Variants in RBFOX1 observed in about 807,000 individuals in gnomAD.
The protein encoded by RBFOX1 is RNA binding fox-1 homolog 1.
RBFOX1 carries 8 observed loss-of-function variants against 57.7 expected under a neutral mutation model. The ratio of observed to expected loss-of-function variants is 0.14; its 90% CI spans 0.08 to 0.25. RBFOX1 has a LOEUF of 0.25. RBFOX1 is among the 10% of genes least tolerant of loss of function. RBFOX1 has a pLI of 1.00. For missense variants in RBFOX1, 611 were observed against 548.5 expected (o/e 1.11, Z -1.14); for synonymous variants, 326 against 222.4 (o/e 1.47, Z -4.15).
At position 7,296,225 on chromosome 16, in the gene RBFOX1, G is replaced by A. The variant is rs117378143; in HGVS notation, c.28-221922G>A. Among the ~76,000 whole-genome samples, 536 of 147,708 alleles carry A rather than the reference G, an allele frequency of 3.6e-3. 3 individuals are homozygous for A. Among genetic ancestry groups the A allele is most frequent in the Non-Finnish European group, 6.0e-3 (402 of 67,262 alleles). The stretch of plus-strand genomic sequence containing the variant: ...TAATAGACTTAAATTTAATCAATTT[G>A]AAGGACTGTCCTTTATTTTCAGATT... On this transcript the variant is annotated intron_variant, in intron 4 of 15. Transcript: ENST00000550418.
In RBFOX1 at chr16:6,484,801, A is replaced by G. The variant is rs78776494; in HGVS notation, c.-64+167744A>G. The stretch of plus-strand genomic sequence containing the variant: ...GTAAAACGTTATGAAATTATTTGCT[A>G]AAAGAGTCACTTTCTGAGTGTCTTC... On this transcript the variant is annotated intron_variant, in intron 2 of 15. Coordinates refer to ENST00000550418, the MANE Select transcript of RBFOX1 (RefSeq NM_018723.4). Among the ~76,000 whole-genome samples, 778 of 152,334 alleles carry G rather than the reference A, an allele frequency of 5.1e-3. 5 individuals carry two copies. The highest frequency in any genetic ancestry group is 0.018 in the African/African-American group (738 of 41,582).
chr16:6,748,578 G>C (rs1275512900), intron 3 of RBFOX1, among the ~76,000 whole-genome samples: 1 of 152,128 alleles, frequency 6.6e-6, no homozygotes, highest in Admixed American at 6.6e-5. Flanking sequence ...TGGATCTCTT[G>C]AGCCCAGAAG....
At chr16:7,607,253 T>G in intron 9 of RBFOX1, 32 bp from the exon 10 acceptor site, 1 of 1,585,188 alleles carries the variant, frequency 6.3e-7, no homozygotes, top group Non-Finnish European at 8.6e-7. Flanking sequence ...GAATCAAATG[T>G]GATAATAATG....
At chr16:5,363,909 C>G (rs1352373704) in intron 1 of RBFOX1, among the ~76,000 whole-genome samples, 1 of 152,196 alleles carries the variant, frequency 6.6e-6, no homozygotes, top group African/African-American at 2.4e-5. Flanking sequence ...CCAGTGCTGA[C>G]TGAGCTCTCG....
intron 3 of RBFOX1, among the ~76,000 whole-genome samples, chr16:6,923,267 C>G (rs899428261): frequency 6.6e-6 from 1 of 152,170 alleles, no homozygotes; most frequent in Non-Finnish European, 1.5e-5. Flanking sequence ...GGTGTGGTGG[C>G]TCATGCCTAT....
chr16:6,967,874 G>A (rs945766163), intron 3 of RBFOX1, among the ~76,000 whole-genome samples: 1 of 152,170 alleles, frequency 6.6e-6, no homozygotes. Context: ...TGGGTTGTCA[G>A]TCTGAAAAAA....
At chr16:6,901,530 G>C (rs1303042167) in intron 3 of RBFOX1, among the ~76,000 whole-genome samples, 1 of 152,116 alleles carries the variant, frequency 6.6e-6, no homozygotes, top group Non-Finnish European at 1.5e-5. Flanking sequence ...GTCTAGTTAA[G>C]CAAATCCAGA....
intron 4 of RBFOX1, among the ~76,000 whole-genome samples, chr16:7,295,277 C>T (rs2095867360): frequency 1.3e-5 from 2 of 152,096 alleles, no homozygotes; most frequent in Non-Finnish European, 1.5e-5. Flanking sequence ...TTTAAAAAAA[C>T]TTTACAAAAA....
chr16:6,754,861 C>A (rs11864470), intron 3 of RBFOX1, among the ~76,000 whole-genome samples: 12 of 151,738 alleles, frequency 7.9e-5, no homozygotes, highest in Non-Finnish European at 1.0e-4. Context: ...CCTCTCCCCC[C>A]ACCCCACAAC....
chr16:6,658,362 T>C (rs1477550491), intron 3 of RBFOX1, among the ~76,000 whole-genome samples: 1 of 151,884 alleles, frequency 6.6e-6, no homozygotes, highest in East Asian at 2.0e-4. Context: ...TGCCTCAGCC[T>C]CCTGCCTGGC....
chr16:7,001,398 TTGTATA>T (rs55910456), intron 3 of RBFOX1, among the ~76,000 whole-genome samples: 22,006 of 97,394 alleles, frequency 0.23, 2,400 homozygotes, highest in Non-Finnish European at 0.3. Context: ...GTATGTGTAT[TTGTATA>T]TGTATATGTA....
intron 3 of RBFOX1, among the ~76,000 whole-genome samples, chr16:7,039,170 A>G (rs576600808): frequency 1.7e-4 from 26 of 152,192 alleles, no homozygotes; most frequent in African/African-American, 6.3e-4. Context: ...ATTCCCGAGG[A>G]CTCTTAGCCA....
intron 3 of RBFOX1, among the ~76,000 whole-genome samples, chr16:5,800,619 A>C (rs947506331): frequency 6.6e-6 from 1 of 152,180 alleles, no homozygotes; most frequent in African/African-American, 2.4e-5. Flanking sequence ...CCAGTGACTC[A>C]GGGACACTTT....
chr16:7,042,401 T>A (rs779415749), intron 3 of RBFOX1, among the ~76,000 whole-genome samples: 1 of 152,208 alleles, frequency 6.6e-6, no homozygotes, highest in Non-Finnish European at 1.5e-5. Context: ...TAATTCCCTC[T>A]TGAATATTTC....
intron 4 of RBFOX1, among the ~76,000 whole-genome samples, chr16:7,387,688 T>C (rs2097908052): frequency 6.6e-6 from 1 of 151,908 alleles, no homozygotes; most frequent in South Asian, 2.1e-4. Flanking sequence ...CCATTAGGAG[T>C]GGTGTCGGTG....
intron 4 of RBFOX1, among the ~76,000 whole-genome samples, chr16:7,075,208 G>C (rs933138037): frequency 6.6e-6 from 1 of 152,122 alleles, no homozygotes; most frequent in Admixed American, 6.5e-5. Flanking sequence ...TGCATATATA[G>C]GGAATCCACT....
chr16:5,534,230 C>G (rs956133696), intron 2 of RBFOX1, among the ~76,000 whole-genome samples: 1 of 152,104 alleles, frequency 6.6e-6, no homozygotes, highest in Non-Finnish European at 1.5e-5. Flanking sequence ...TGGGATTTGT[C>G]ATCTACCAAG....
chr16:6,127,840 A>T (rs12932478), intron 1 of RBFOX1, among the ~76,000 whole-genome samples: 57,152 of 151,870 alleles, frequency 0.38, 11,409 homozygotes, highest in Non-Finnish European at 0.45. Context: ...CCTAAAAAAA[A>T]TTTTTTTCTT....
At chr16:7,388,954 G>T (rs1223280268) in intron 4 of RBFOX1, among the ~76,000 whole-genome samples, 1 of 152,068 alleles carries the variant, frequency 6.6e-6, no homozygotes, top group Non-Finnish European at 1.5e-5. Flanking sequence ...CATGTACGCA[G>T]AGCTTAATAG....
Sources: gnomAD v4.1 joint callset for allele counts (sites outside exome capture counted in the v4.1 genomes callset) on GRCh38, gnomAD v4.1.1 for gene constraint, MANE v1.5 for transcripts, NCBI Gene and HGNC (gene_info 2026-07-23, HGNC 2026-07-21) for gene names.